Variants in SNX7 observed in about 807,000 individuals in gnomAD.
SNX7 encodes sorting nexin-7.
A neutral mutation model predicts 48.4 loss-of-function variants in SNX7; 35 were observed. The observed-to-expected ratio is 0.72, with a 90% CI of 0.55 to 0.96. The LOEUF (loss-of-function observed/expected upper bound fraction) is 0.96. Ranked by LOEUF, SNX7 falls within the 40% of genes least tolerant of loss-of-function variation. The pLI is 0.00. For missense variants in SNX7, 553 were observed against 548.9 expected (o/e 1.01, Z -0.07); for synonymous variants, 190 against 190.2 (o/e 1.00, Z 0.01).
At chr1:98,706,444 TAA>T (rs1652009099) in intron 7 of SNX7, among the ~76,000 whole-genome samples, 1 of 152,096 alleles carries the variant, frequency 6.6e-6, no homozygotes, top group African/African-American at 2.4e-5. Context: ...AGTGAGCAAG[TAA>T]AAGAGTTGTG....
chr1:98,682,376 T>C lies in SNX7; in HGVS notation c.181-2509T>C, dbSNP rs139400101. 1.1e-3 allele frequency among the ~76,000 whole-genome samples: 169 copies of C among 152,332 alleles called. 1 individual carries two copies. Among genetic ancestry groups the C allele is most frequent in the Non-Finnish European group, 1.7e-3 (114 of 68,028 alleles). ...TTCCCTTTACTTTGATCTTCTGTTG[T>C]ATCTCTTGTTTTTAGATTCTATTTT... On this transcript the variant is annotated intron_variant, in intron 1 of 8. Transcript: ENST00000306121.
At chr1:98,691,332 A>G in intron 3 of SNX7, 147 bp downstream of exon 3, 2 of 580,944 alleles carry the variant, frequency 3.4e-6, no homozygotes, top group Non-Finnish European at 5.6e-6. Flanking sequence ...GTTTCAATCA[A>G]TGTACATTTT....
chr1:98,662,442 G>C, intron 1 of SNX7: 1 of 305,358 alleles, frequency 3.3e-6, no homozygotes, highest in East Asian at 8.6e-5. Context: ...GGAGAAAACG[G>C]TTGTTTCTAA....
chr1:98,760,037 G>A lies in SNX7; in HGVS notation c.1279-17G>A. The A allele has an allele frequency of 1.3e-6, 2 of 1,516,472 alleles. No homozygotes were observed. The highest frequency in any genetic ancestry group is 3.3e-5 in the Admixed American group (2 of 59,718). 93.9% of individuals were successfully genotyped at this position (1,516,472 alleles called of 1,614,324 possible). On this transcript the variant is annotated splice_polypyrimidine_tract_variant and intron_variant, in intron 8 of 8. Transcript: ENST00000306121. Reference sequence around the variant, plus strand: ...AAACTATTGTTGATTGCCTCATGGTGTGTTTCCATTATTCAGTGCCTTGCT... The same window carrying A: ...AAACTATTGTTGATTGCCTCATGGTATGTTTCCATTATTCAGTGCCTTGCT...
intron 7 of SNX7, among the ~76,000 whole-genome samples, chr1:98,725,153 T>G (rs1483591625): frequency 1.3e-5 from 2 of 152,198 alleles, no homozygotes; most frequent in African/African-American, 4.8e-5. Context: ...TTAAATCTTG[T>G]GTGAATATCA....
chr1:98,672,879 G>A lies in SNX7; in HGVS notation c.180+10968G>A, dbSNP rs985367819. Among the ~76,000 whole-genome samples the A allele has an allele frequency of 8.1e-5, 11 of 135,034 alleles. No individual in the cohort carries two copies. In the Admixed American group the frequency reaches 9.4e-4, roughly 12 times the overall value. The allele number at this position is 135,034 out of a possible 152,430, so 88.6% of individuals were successfully genotyped here. A position where few individuals can be genotyped will look rare whatever the true frequency, so the allele number is the denominator to read the frequency against. On this transcript the variant is annotated intron_variant, in intron 1 of 8. Transcript: ENST00000306121. Reference sequence around the variant, plus strand: ...GCGGAGCTTGCAGTGAGCCGAGATTGCGCCACTGCAGTCCGCAGTCCGGCC... The same window carrying A: ...GCGGAGCTTGCAGTGAGCCGAGATTACGCCACTGCAGTCCGCAGTCCGGCC...
chr1:98,693,989 A>G (rs1651290737), intron 4 of SNX7, among the ~76,000 whole-genome samples: 1 of 152,120 alleles, frequency 6.6e-6, no homozygotes, highest in Non-Finnish European at 1.5e-5. Flanking sequence ...TCTGTGCAGT[A>G]TATTCTTTTA....
chr1:98,737,796 C>T (rs1453678952), intron 7 of SNX7, among the ~76,000 whole-genome samples: 2 of 152,008 alleles, frequency 1.3e-5, no homozygotes, highest in Non-Finnish European at 2.9e-5. Context: ...TTAGTTGAGG[C>T]TTCAGCTAAA....
chr1:98,718,269 T>A (rs1319210313), intron 7 of SNX7, among the ~76,000 whole-genome samples: 1 of 152,110 alleles, frequency 6.6e-6, no homozygotes, highest in Non-Finnish European at 1.5e-5. Context: ...TATTAAATAA[T>A]ACATTAATAT....
Position 98,684,895 on chromosome 1 carries a change from T to C in SNX7, c.191T>C (p.Leu64Ser). 1 of 1,492,946 alleles carries C rather than the reference T, an allele frequency of 6.7e-7. No homozygotes were observed. Among genetic ancestry groups the C allele is most frequent in the Non-Finnish European group, 9.0e-7 (1 of 1,114,252 alleles). The allele number at this position is 1,492,946 out of a possible 1,614,324, so 92.5% of individuals were successfully genotyped here. A position where few individuals can be genotyped will look rare whatever the true frequency, so the allele number is the denominator to read the frequency against. ...DLEVFSKDAS[L>S]MDMNSFSPMM... ...TGTTTTATTTCTTAGGATGCCTCATTGATGGACATGAACTCCTTCAGCCCT... is the reference window on the plus strand; with the variant it reads ...TGTTTTATTTCTTAGGATGCCTCATCGATGGACATGAACTCCTTCAGCCCT... Residue 64 changes from leucine (L) to serine (S), a missense_variant, in exon 2 of 9, where the codon TTG becomes TCG. Transcript: ENST00000306121.
intron 7 of SNX7, among the ~76,000 whole-genome samples, chr1:98,719,635 TG>T (rs1438351017): frequency 4.0e-5 from 6 of 151,802 alleles, no homozygotes; most frequent in Non-Finnish European, 7.4e-5. Flanking sequence ...TGTAATTTTT[TG>T]TACTGATTTT....
intron 7 of SNX7, among the ~76,000 whole-genome samples, chr1:98,706,035 C>T (rs923559263): frequency 2.6e-5 from 4 of 152,110 alleles, no homozygotes; most frequent in African/African-American, 4.8e-5. Flanking sequence ...TGGAGGTGTG[C>T]AGCTTTACAT....
At chr1:98,739,072 T>TG (rs1398941710) in intron 8 of SNX7, among the ~76,000 whole-genome samples, 10 of 152,130 alleles carry the variant, frequency 6.6e-5, no homozygotes, top group Non-Finnish European at 1.0e-4. Flanking sequence ...TTTTCCTAGG[T>TG]GGGGGGCGGG....
chr1:98,710,551 C>T (rs527847240), intron 7 of SNX7, among the ~76,000 whole-genome samples: 2 of 152,130 alleles, frequency 1.3e-5, no homozygotes, highest in East Asian at 1.9e-4. Context: ...ATTCTACTTA[C>T]GGTGTCCTTT....
intron 8 of SNX7, among the ~76,000 whole-genome samples, chr1:98,758,333 C>T (rs573279832): frequency 3.0e-4 from 45 of 152,128 alleles, no homozygotes; most frequent in African/African-American, 1.0e-3. Context: ...AAGAGGAGGC[C>T]ATTCTTACTA....
intron 7 of SNX7, among the ~76,000 whole-genome samples, chr1:98,714,926 A>G (rs1652508924): frequency 1.3e-5 from 2 of 152,202 alleles, no homozygotes; most frequent in Admixed American, 1.3e-4. Context: ...TCCAAGTGAC[A>G]AACTTACAGA....
intron 7 of SNX7, among the ~76,000 whole-genome samples, chr1:98,725,588 G>A (rs1001590357): frequency 6.6e-6 from 1 of 152,134 alleles, no homozygotes; most frequent in Non-Finnish European, 1.5e-5. Flanking sequence ...TTTGGAAGTC[G>A]AAAGGGATGG....
intron 1 of SNX7, among the ~76,000 whole-genome samples, chr1:98,667,436 C>T (rs1002692923): frequency 8.6e-5 from 13 of 152,040 alleles, no homozygotes; most frequent in African/African-American, 1.2e-4. Context: ...AGTGCAGTGG[C>T]GTGATTTTGG....
intron 7 of SNX7, among the ~76,000 whole-genome samples, chr1:98,709,960 A>G (rs1652213870): frequency 6.6e-6 from 1 of 152,204 alleles, no homozygotes; most frequent in South Asian, 2.1e-4. Flanking sequence ...TAAATTAGAA[A>G]CAAATTAATA....
Sources: gnomAD v4.1 joint callset for allele counts (sites outside exome capture counted in the v4.1 genomes callset) on GRCh38, gnomAD v4.1.1 for gene constraint, MANE v1.5 for transcripts, NCBI Gene and HGNC (gene_info 2026-07-23, HGNC 2026-07-21) for gene names.